Variants in TYRO3 observed in about 807,000 individuals in gnomAD.
The protein encoded by TYRO3 is tyrosine-protein kinase receptor TYRO3.
TYRO3 carries 38 observed loss-of-function variants against 95.2 expected under a neutral mutation model. The ratio of observed to expected loss-of-function variants is 0.40; its 90% CI spans 0.31 to 0.52. The LOEUF (loss-of-function observed/expected upper bound fraction) is 0.52. Ranked by LOEUF, TYRO3 falls within the 20% of genes least tolerant of loss-of-function variation. TYRO3 has a pLI of 0.56. For missense variants in TYRO3, 812 were observed against 1,116.4 expected (o/e 0.73, Z 3.89); for synonymous variants, 367 against 432.9 (o/e 0.85, Z 1.89).
chr15:41,575,289 G>A (rs1438082353), intron 18 of TYRO3, among the ~76,000 whole-genome samples: 1 of 152,226 alleles, frequency 6.6e-6, no homozygotes, highest in East Asian at 1.9e-4. Flanking sequence ...CAGAGCTCAG[G>A]GCATGGCAAG....
rs2140840173 is a variant in TYRO3 at position 41,580,721 on chromosome 15, C to T, written c.*2445C>T. The T allele has an allele frequency of 6.6e-6, 1 of 150,736 alleles. No individual in the cohort carries two copies. The highest frequency in any genetic ancestry group is 3.4e-3 in the Middle Eastern group (1 of 294). 9.3% of individuals were successfully genotyped at this position (150,736 alleles called of 1,614,324 possible). A position where few individuals can be genotyped will look rare whatever the true frequency, so the allele number is the denominator to read the frequency against. On this transcript the variant is annotated 3_prime_UTR_variant, in exon 19 of 19. Coordinates refer to ENST00000263798, the MANE Select transcript of TYRO3 (RefSeq NM_006293.4). Reference sequence around the variant, plus strand: ...TCTCGGCTCACTGTAACCTCTGTCTCCCAGGTTTAATCAAGTCTCTTGTCT... The same window carrying T: ...TCTCGGCTCACTGTAACCTCTGTCTTCCAGGTTTAATCAAGTCTCTTGTCT...
chr15:41,578,097 G>A lies in TYRO3; in HGVS notation c.2494G>A (p.Gly832Arg), dbSNP rs2055882966. 6.2e-7 allele frequency: 1 copy of A among 1,614,054 alleles called. No individual in the cohort carries two copies. The change falls in exon 19 of 19, where the codon GGG (glycine) becomes AGG (arginine). Residue 832 changes from glycine (G) to arginine (R), a missense_variant. By Grantham distance (125) the Gly-to-Arg change is moderately radical. Coordinates refer to ENST00000263798, the MANE Select transcript of TYRO3 (RefSeq NM_006293.4). ...PGRDQPYSGA[G>R]DGSGMGAVGG... is the part of the protein sequence containing the mutation. ...CAGGGATCAGCCCTACAGTGGGGCT[G>A]GGGATGGCAGTGGCATGGGGGCAGT...
intron 18 of TYRO3, among the ~76,000 whole-genome samples, chr15:41,576,147 G>A (rs2055858190): frequency 6.6e-6 from 1 of 151,018 alleles, no homozygotes. Flanking sequence ...TGGCAGGAGA[G>A]CTGGAAGCTT....
At chr15:41,559,544 G>C (rs1033693517) in intron 1 of TYRO3, among the ~76,000 whole-genome samples, 163 bp downstream of exon 1, 2 of 152,134 alleles carry the variant, frequency 1.3e-5, no homozygotes, top group Non-Finnish European at 2.9e-5. Flanking sequence ...AGTGCTCGCC[G>C]CCAGATCTCC....
intron 4 of TYRO3, among the ~76,000 whole-genome samples, chr15:41,563,787 C>T (rs2055686248): frequency 6.6e-6 from 1 of 152,150 alleles, no homozygotes; most frequent in Admixed American, 6.5e-5. Context: ...AAATAACAAC[C>T]CCAAGGGGGC....
At chr15:41,566,821 AT>A (rs2055730441) in intron 6 of TYRO3, among the ~76,000 whole-genome samples, 1 of 152,220 alleles carries the variant, frequency 6.6e-6, no homozygotes, top group South Asian at 2.1e-4. Flanking sequence ...GAGAGAAACT[AT>A]TTAATAGTTT....
chr15:41,560,474 C>T (rs1369348811), intron 1 of TYRO3, among the ~76,000 whole-genome samples: 1 of 150,922 alleles, frequency 6.6e-6, no homozygotes, highest in East Asian at 1.9e-4. Context: ...AGAGTGGCCC[C>T]TGTTAATGTG....
rs1310683468 is a variant in TYRO3 at position 41,580,634 on chromosome 15, T to A, written c.*2358T>A. The A allele has an allele frequency of 6.6e-6, 1 of 151,902 alleles. No homozygotes were observed. Among genetic ancestry groups the A allele is most frequent in the Admixed American group, 6.6e-5 (1 of 15,258 alleles). The allele number at this position is 151,902 out of a possible 1,614,324, so 9.4% of individuals were successfully genotyped here. On this transcript the variant is annotated 3_prime_UTR_variant, in exon 19 of 19. Transcript: ENST00000263798. ...TGGGCACAGTGGCGTGTATTTTTTT[T>A]TTTTTTTGAGACGGAGTCTCGAGTC... is the stretch of plus-strand genomic sequence containing the variant.
intron 9 of TYRO3, among the ~76,000 whole-genome samples, chr15:41,569,479 A>G (rs985980264): frequency 6.0e-5 from 9 of 150,940 alleles, no homozygotes; most frequent in African/African-American, 2.2e-4. Flanking sequence ...CTAAAGAAAC[A>G]AACAAATAAG....
At position 41,571,696 on chromosome 15, in the gene TYRO3, A is replaced by T. The variant is rs1438603247; in HGVS notation, c.1753+9A>T. The T allele has an allele frequency of 1.8e-6, 2 of 1,126,590 alleles. No individual in the cohort carries two copies. The highest frequency in any genetic ancestry group is 2.6e-6 in the Non-Finnish European group (2 of 766,876). The allele number at this position is 1,126,590 out of a possible 1,614,324, so 69.8% of individuals were successfully genotyped here. On this transcript the variant is annotated intron_variant, in intron 14 of 18. Transcript: ENST00000263798. ...CGTGGCCAAACTTGTTGGTGAGCCC[A>T]TTTTTGGGGGAGGCAGATAGAGAAT...
intron 17 of TYRO3, 80 bp from the exon 18 acceptor site, chr15:41,573,599 G>T (rs2055826652): frequency 6.2e-7 from 1 of 1,601,696 alleles, no homozygotes; most frequent in African/African-American, 1.3e-5. Context: ...CCCAGGTTGT[G>T]CTTGTCTCAG....
At position 41,561,115 on chromosome 15, in the gene TYRO3, CCCA is replaced by C. The variant is rs770352997; in HGVS notation, c.125-9_125-7del. The C allele has an allele frequency of 1.4e-5, 22 of 1,613,976 alleles. No homozygotes were observed. The South Asian group carries it at 2.4e-4, about 18-fold the overall frequency. On this transcript the variant is annotated splice_polypyrimidine_tract_variant and intron_variant, in intron 1 of 18. Coordinates refer to ENST00000263798, the MANE Select transcript of TYRO3 (RefSeq NM_006293.4). ...CTCTCAAGGCTGACACATGTTCCTT[CCCA>C]CCCCTCAGGTCTGAAGCTCATGGGA...
rs1189058044 is a variant in TYRO3 at position 41,574,734 on chromosome 15, T to C, written c.2282+919T>C. On this transcript the variant is annotated intron_variant, in intron 18 of 18. Transcript: ENST00000263798. ...TTTTGTGAGTATTTTTTGTTTTGTT[T>C]TTTGAGACAGGGTCTCGCTTTGTCA... 8.8e-6 allele frequency: 4 copies of C among 454,384 alleles called. No homozygotes were observed. The East Asian group carries it at 2.1e-4, about 24-fold the overall frequency. The allele number at this position is 454,384 out of a possible 1,614,324, so 28.1% of individuals were successfully genotyped here. A position where few individuals can be genotyped will look rare whatever the true frequency, so the allele number is the denominator to read the frequency against.
In TYRO3 at chr15:41,581,518, T is replaced by G. The variant is rs2055922731; in HGVS notation, c.*3242T>G. ...TTACCTGTGAGATAACATCTGGGAA[T>G]TATTGATTGAAAAGACCTTCACTAT... On this transcript the variant is annotated 3_prime_UTR_variant, in exon 19 of 19. Coordinates refer to ENST00000263798, the MANE Select transcript of TYRO3 (RefSeq NM_006293.4). The G allele has an allele frequency of 6.6e-6, 1 of 152,204 alleles. No homozygotes were observed. 9.4% of individuals were successfully genotyped at this position (152,204 alleles called of 1,614,324 possible).
At chr15:41,571,241 G>A (rs1427488174) in intron 13 of TYRO3, 123 bp downstream of exon 13, 1 of 879,664 alleles carries the variant, frequency 1.1e-6, no homozygotes, top group Non-Finnish European at 1.9e-6. Context: ...CACTAACTGG[G>A]ATGCTCTTTA....
rs1231238709 is a variant in TYRO3, at chr15:41,573,004, C to G, written c.1878C>G (p.Asn626Lys). 1 of 1,613,778 alleles carries G rather than the reference C, an allele frequency of 6.2e-7. No individual in the cohort carries two copies. Among genetic ancestry groups the G allele is most frequent in the Non-Finnish European group, 8.5e-7 (1 of 1,179,776 alleles). The change falls in exon 16 of 19, where the codon AAC (asparagine) becomes AAG (lysine). Residue 626 changes from asparagine (N) to lysine (K), a missense_variant and splice_region_variant. Coordinates refer to ENST00000263798, the MANE Select transcript of TYRO3 (RefSeq NM_006293.4). ...LASRIGENPF[N>K]LPLQTLIRFM... is the part of the protein sequence containing the mutation. ...AGCTTGGCCTGTCTGTCCACTAGAACCTACCCCTCCAGACCCTGATCCGGT... is the reference window on the plus strand; with the variant it reads ...AGCTTGGCCTGTCTGTCCACTAGAAGCTACCCCTCCAGACCCTGATCCGGT...
intron 1 of TYRO3, among the ~76,000 whole-genome samples, chr15:41,559,677 G>C (rs531857425): frequency 3.3e-4 from 50 of 152,282 alleles, no homozygotes; most frequent in Non-Finnish European, 5.7e-4. Flanking sequence ...TTCCCGCCTC[G>C]ATGTTCCCAG....
intron 2 of TYRO3, 39 bp from the exon 3 acceptor site, chr15:41,561,500 C>G (rs1297195995): frequency 6.5e-7 from 1 of 1,549,434 alleles, no homozygotes; most frequent in African/African-American, 1.4e-5. Context: ...AGCTGCCGCC[C>G]TTGCCCTCGG....
rs544894598 is a variant in TYRO3 at position 41,578,644 on chromosome 15, C to G, written c.*368C>G. ...GCCCTACCCTCCTGCTGAGCTGCCCCTGCTGCTTAAGTGCATGCATTGAGC... is the reference window on the plus strand; with the variant it reads ...GCCCTACCCTCCTGCTGAGCTGCCCGTGCTGCTTAAGTGCATGCATTGAGC... On this transcript the variant is annotated 3_prime_UTR_variant, in exon 19 of 19. Coordinates refer to ENST00000263798, the MANE Select transcript of TYRO3 (RefSeq NM_006293.4). 28 of 320,904 alleles carry G rather than the reference C, an allele frequency of 8.7e-5. No homozygotes were observed. In the East Asian group the frequency reaches 2.3e-3, roughly 26 times the overall value. The allele number at this position is 320,904 out of a possible 1,614,324, so 19.9% of individuals were successfully genotyped here.
Sources: allele counts gnomAD v4.1 joint callset (sites outside exome capture counted in the v4.1 genomes callset), GRCh38; gene constraint gnomAD v4.1.1; transcripts MANE v1.5; gene names NCBI Gene and HGNC (gene_info 2026-07-23, HGNC 2026-07-21).